The following ZNF638 variants were observed in gnomAD, a reference collection of about 807,000 sequenced individuals.
ZNF638 encodes zinc finger protein 638.
A neutral mutation model predicts 195.6 loss-of-function variants in ZNF638; 46 were observed. The observed-to-expected ratio is 0.24, with a 90% confidence interval of 0.19 to 0.30. ZNF638 has a LOEUF of 0.30. Ranked by LOEUF, ZNF638 falls within the 10% of genes least tolerant of loss-of-function variation. ZNF638 has a pLI of 1.00. For missense variants in ZNF638, 2,440 were observed against 2,325.3 expected, an observed-to-expected ratio of 1.05 and a Z score of -1.01; for synonymous variants, 845 against 772.0, an observed-to-expected ratio of 1.09 and a Z score of -1.57.
chr2:71,433,064 A>G (rs1339934187), intron 26 of ZNF638, 101 bp from the exon 27 acceptor site: 2 of 964,122 alleles, frequency 2.1e-6, no homozygotes, highest in South Asian at 1.5e-5. Context: ...TCCAACCTGG[A>G]TGACAGAGTG....
In ZNF638 at chr2:71,422,970, A is replaced by G. The variant is rs1558883251; in HGVS notation, c.3456A>G (p.Glu1152=). Residue 1152 remains glutamate (E), a synonymous_variant, in exon 22 of 28, where the codon GAA becomes GAG. Coordinates refer to ENST00000264447, the MANE Select transcript of ZNF638 (RefSeq NM_014497.5). ...AAGAGCCTTGTGAGGAAGAAGCTGAAAAAGCAACATGTGATTCTGACTTTG... is the reference window on the plus strand; with the variant it reads ...AAGAGCCTTGTGAGGAAGAAGCTGAGAAAGCAACATGTGATTCTGACTTTG... ...QQEEPCEEEA[E]KATCDSDFAV... 2 of 1,614,146 alleles carry G rather than the reference A, an allele frequency of 1.2e-6. No homozygotes were observed. The highest frequency in any genetic ancestry group is 8.5e-7 in the Non-Finnish European group (1 of 1,179,984).
intron 7 of ZNF638, 61 bp downstream of exon 7, chr2:71,368,589 A>C (rs2079248752): frequency 6.3e-7 from 1 of 1,574,940 alleles, no homozygotes; most frequent in South Asian, 1.1e-5. Context: ...GATTCTATAA[A>C]TTGCTGTTGT....
intron 20 of ZNF638, among the ~76,000 whole-genome samples, chr2:71,409,744 C>G (rs1010153978): frequency 1.3e-5 from 2 of 152,096 alleles, no homozygotes; most frequent in African/African-American, 4.8e-5. Context: ...TGAATGGAGT[C>G]TCCTTTCAGA....
chr2:71,338,964 T>C (rs910836916), intron 1 of ZNF638, among the ~76,000 whole-genome samples: 3 of 152,340 alleles, frequency 2.0e-5, no homozygotes, highest in East Asian at 1.9e-4. Flanking sequence ...TTACCCCTTA[T>C]AGATTACCAG....
intron 8 of ZNF638, among the ~76,000 whole-genome samples, chr2:71,374,658 C>T (rs1333696667): frequency 6.6e-6 from 1 of 152,224 alleles, no homozygotes; most frequent in East Asian, 1.9e-4. Flanking sequence ...TGGCTCTTGC[C>T]TGTTATCCTA....
At chr2:71,391,068 G>A (rs982540810) in intron 10 of ZNF638, among the ~76,000 whole-genome samples, 2 of 152,174 alleles carry the variant, frequency 1.3e-5, no homozygotes, top group Non-Finnish European at 2.9e-5. Context: ...GAGCCCATGA[G>A]TTAGTTCAGC....
chr2:71,380,171 T>C, intron 8 of ZNF638, 51 bp from the exon 9 acceptor site: 1 of 1,126,750 alleles, frequency 8.9e-7, no homozygotes, highest in South Asian at 1.7e-5. Flanking sequence ...CTATATTTTC[T>C]AAATTGCTTT....
rs1573122093 is a variant in ZNF638, at chr2:71,400,521, C to T, written c.2697+3C>T. On this transcript the variant is annotated splice_donor_region_variant and intron_variant, in intron 15 of 27. Transcript: ENST00000264447. ...CAGAGAATGAACCACTTAACAAGGTCAGTTTTCATGTTTTATTTATTTCTT... is the reference window on the plus strand; with the variant it reads ...CAGAGAATGAACCACTTAACAAGGTTAGTTTTCATGTTTTATTTATTTCTT... 1 of 1,597,112 alleles carries T rather than the reference C, an allele frequency of 6.3e-7. No homozygotes were observed.
At chr2:71,362,215 T>G (rs2079121267) in intron 3 of ZNF638, among the ~76,000 whole-genome samples, 2 of 152,188 alleles carry the variant, frequency 1.3e-5, no homozygotes, top group South Asian at 4.1e-4. Context: ...TTCTTTGCTT[T>G]ACTCTAAAGT....
Position 71,365,515 on chromosome 2 carries a change from A to G in ZNF638, c.1804A>G (p.Lys602Glu), listed in dbSNP as rs2079181602. ...NKQKHLEAAD[K>E]GHSPAQKPKT... is the part of the protein sequence containing the mutation. Reference sequence around the variant, plus strand: ...ACAGAAGCATCTTGAAGCTGCTGATAAGGGACATTCACCAGCACAAAAGCC... The same window carrying G: ...ACAGAAGCATCTTGAAGCTGCTGATGAGGGACATTCACCAGCACAAAAGCC... Residue 602 changes from lysine (K) to glutamate (E), a missense_variant, in exon 6 of 28, where the codon AAG (lysine) becomes GAG (glutamate). Transcript: ENST00000264447. 1.9e-6 allele frequency: 3 copies of G among 1,613,974 alleles called. No individual in the cohort carries two copies. Among genetic ancestry groups the G allele is most frequent in the African/African-American group, 2.7e-5 (2 of 74,932 alleles).
chr2:71,347,473 G>A (rs954819785), intron 1 of ZNF638, among the ~76,000 whole-genome samples: 2 of 152,150 alleles, frequency 1.3e-5, no homozygotes, highest in Non-Finnish European at 2.9e-5. Flanking sequence ...GTAAAGTAAC[G>A]GATGAAATTG....
intron 1 of ZNF638, among the ~76,000 whole-genome samples, chr2:71,340,296 C>CT (rs1335774351): frequency 6.6e-6 from 1 of 152,216 alleles, no homozygotes; most frequent in African/African-American, 2.4e-5. Flanking sequence ...TCTGTCAACA[C>CT]TTGTGGCACC....
At chr2:71,430,723 G>A (rs1215533903) in intron 25 of ZNF638, among the ~76,000 whole-genome samples, 2 of 152,200 alleles carry the variant, frequency 1.3e-5, no homozygotes, top group Non-Finnish European at 2.9e-5. Context: ...TTAGGCAACA[G>A]TAAGGCATTT....
chr2:71,362,700 C>T (rs759156275), intron 3 of ZNF638, among the ~76,000 whole-genome samples: 1 of 152,136 alleles, frequency 6.6e-6, no homozygotes, highest in Non-Finnish European at 1.5e-5. Context: ...GAAAAGCAAC[C>T]CTTTCTATGA....
intron 1 of ZNF638, among the ~76,000 whole-genome samples, chr2:71,335,544 A>G (rs1031793446): frequency 2.0e-5 from 3 of 149,556 alleles, no homozygotes; most frequent in Non-Finnish European, 4.4e-5. Flanking sequence ...TTTTACCAAA[A>G]AAAAAGAAAC....
chr2:71,334,397 T>TTCA (rs1162514670), intron 1 of ZNF638: 1 of 152,174 alleles, frequency 6.6e-6, no homozygotes, highest in Non-Finnish European at 1.5e-5. Context: ...ATGTAGTGGT[T>TTCA]TTAGAGACTC....
intron 20 of ZNF638, chr2:71,408,486 G>GT: frequency 2.4e-6 from 1 of 421,712 alleles, no homozygotes; most frequent in Non-Finnish European, 4.2e-6. Flanking sequence ...TGACATGTAG[G>GT]TATCTACATT....
At chr2:71,394,128 G>A (rs1553479544) in intron 10 of ZNF638, among the ~76,000 whole-genome samples, 1 of 152,130 alleles carries the variant, frequency 6.6e-6, no homozygotes, top group Non-Finnish European at 1.5e-5. Flanking sequence ...CTCCAGTTAG[G>A]CAATTTAACA....
rs1480628847 is a variant in ZNF638, at chr2:71,380,452, T to C, written c.2325-61T>C. 1.3e-5 allele frequency: 19 copies of C among 1,439,602 alleles called. No individual in the cohort carries two copies. The East Asian group carries it at 4.0e-4, about 30-fold the overall frequency. 89.2% of individuals were successfully genotyped at this position (1,439,602 alleles called of 1,614,324 possible). A position where few individuals can be genotyped will look rare whatever the true frequency, so the allele number is the denominator to read the frequency against. On this transcript the variant is annotated intron_variant, in intron 9 of 27. Coordinates refer to ENST00000264447, the MANE Select transcript of ZNF638 (RefSeq NM_014497.5). ...TTTTTAGGTTTAAATATTACATTTTTAGGATTTTGTAGAACTTAGAATTCC... is the reference window on the plus strand; with the variant it reads ...TTTTTAGGTTTAAATATTACATTTTCAGGATTTTGTAGAACTTAGAATTCC...
Sources: gnomAD v4.1 joint callset for allele counts (sites outside exome capture counted in the v4.1 genomes callset) on GRCh38, gnomAD v4.1.1 for gene constraint, MANE v1.5 for transcripts, NCBI Gene and HGNC (gene_info 2026-07-23, HGNC 2026-07-21) for gene names.